The following FMNL2 variants were observed in gnomAD, a reference collection of about 807,000 sequenced individuals.
FMNL2 encodes formin like 2, also known as formin-like protein 2.
FMNL2 carries 51 observed loss-of-function variants against 130.2 expected under a neutral mutation model. The observed-to-expected ratio is 0.39, with a 90% CI of 0.31 to 0.49. FMNL2 has a LOEUF of 0.49. Ranked by LOEUF, FMNL2 falls within the 20% of genes least tolerant of loss-of-function variation. The pLI is 0.85. For synonymous variants in FMNL2, 465 were observed against 467.1 expected (o/e 1.00, Z 0.06); for missense variants, 977 against 1,316.2 (o/e 0.74, Z 3.99).
chr2:152,404,942 TACTGCATC>T lies in FMNL2; in HGVS notation c.117+69225_117+69232del, dbSNP rs542914140. On this transcript the variant is annotated intron_variant, in intron 1 of 25. Coordinates refer to ENST00000288670, the MANE Select transcript of FMNL2 (RefSeq NM_052905.4). ...GAGCCTCCCTACAACAGGCCCTGAG[TACTGCATC>T]ACCTTCCTCCAGTTTGAAAAACTGA... is the stretch of plus-strand genomic sequence containing the variant. 1.2e-3 allele frequency among the ~76,000 whole-genome samples: 186 copies of T among 152,284 alleles called. 1 individual carries two copies. Among genetic ancestry groups the T allele is most frequent in the African/African-American group, 4.3e-3 (179 of 41,566 alleles).
In FMNL2 at chr2:152,507,057, ACTCAGGGTAGAAACTTGAACCAC is replaced by A. The variant is rs1692213992; in HGVS notation, c.118-14879_118-14857del. On this transcript the variant is annotated intron_variant, in intron 1 of 25. Coordinates refer to ENST00000288670, the MANE Select transcript of FMNL2 (RefSeq NM_052905.4). ...TGTTATGGAAAGGAAATGTTGCGTG[ACTCAGGGTAGAAACTTGAACCAC>A]CTCAGGCTAGTGGCTTGTGCGGTCT... Among the ~76,000 whole-genome samples the A allele has an allele frequency of 2.6e-5, 4 of 152,192 alleles. No homozygotes were observed. The South Asian group carries it at 8.3e-4, about 31-fold the overall frequency.
intron 9 of FMNL2, among the ~76,000 whole-genome samples, chr2:152,590,002 T>TAC: frequency 1.4e-5 from 2 of 140,010 alleles, no homozygotes; most frequent in African/African-American, 5.4e-5. Context: ...TATATGTATA[T>TAC]ATATATACAT....
In FMNL2 at chr2:152,532,379, A is replaced by G. The variant is rs538764179; in HGVS notation, c.201+10353A>G. Among the ~76,000 whole-genome samples, 153 of 152,234 alleles carry G rather than the reference A, an allele frequency of 1.0e-3. 1 individual carries two copies. Among genetic ancestry groups the G allele is most frequent in the African/African-American group, 3.6e-3 (148 of 41,530 alleles). On this transcript the variant is annotated intron_variant, in intron 2 of 25. Coordinates refer to ENST00000288670, the MANE Select transcript of FMNL2 (RefSeq NM_052905.4). Reference sequence around the variant, plus strand: ...AGACCATTTTGCATTCCTACCAGCGATGTAATAGCGTCCCTGTTGCTCCAA... The same window carrying G: ...AGACCATTTTGCATTCCTACCAGCGGTGTAATAGCGTCCCTGTTGCTCCAA...
intron 1 of FMNL2, among the ~76,000 whole-genome samples, chr2:152,486,058 C>G (rs1471197626): frequency 6.6e-6 from 1 of 152,024 alleles, no homozygotes; most frequent in Non-Finnish European, 1.5e-5. Flanking sequence ...ATCTTGAGGC[C>G]TAAGATAAAT....
At chr2:152,402,679 A>G (rs1199108471) in intron 1 of FMNL2, among the ~76,000 whole-genome samples, 2 of 152,216 alleles carry the variant, frequency 1.3e-5, no homozygotes, top group Non-Finnish European at 2.9e-5. Context: ...TTTTTAAAAA[A>G]TAAACTTTTT....
chr2:152,495,910 A>T (rs1046529365), intron 1 of FMNL2, among the ~76,000 whole-genome samples: 7 of 152,040 alleles, frequency 4.6e-5, no homozygotes, highest in Non-Finnish European at 1.0e-4. Context: ...GGCAATAGTA[A>T]TTCCCCATGT....
Position 152,396,658 on chromosome 2 carries a change from G to A in FMNL2, c.117+60938G>A, listed in dbSNP as rs182188638. On this transcript the variant is annotated intron_variant, in intron 1 of 25. Transcript: ENST00000288670. ...TTTCTTTTTCTTATCCAGTTAACAAGTATGTTTTTATTTAAGTCAGGCTTT... is the reference window on the plus strand; with the variant it reads ...TTTCTTTTTCTTATCCAGTTAACAAATATGTTTTTATTTAAGTCAGGCTTT... 9.3e-4 allele frequency among the ~76,000 whole-genome samples: 141 copies of A among 152,228 alleles called. 3 individuals are homozygous for A. Among genetic ancestry groups the A allele is most frequent in the Admixed American group, 7.7e-3 (117 of 15,286 alleles).
chr2:152,438,069 C>T (rs1392793605), intron 1 of FMNL2, among the ~76,000 whole-genome samples: 1 of 152,154 alleles, frequency 6.6e-6, no homozygotes, highest in Non-Finnish European at 1.5e-5. Flanking sequence ...AAGGTCTTGT[C>T]TTATTCCAAA....
chr2:152,600,291 C>G (rs1297937681), intron 9 of FMNL2, among the ~76,000 whole-genome samples: 1 of 152,204 alleles, frequency 6.6e-6, no homozygotes, highest in East Asian at 1.9e-4. Context: ...AGTATTGAGG[C>G]AGGCGCCAGG....
At chr2:152,356,988 A>C (rs1444252578) in intron 1 of FMNL2, among the ~76,000 whole-genome samples, 13 of 149,020 alleles carry the variant, frequency 8.7e-5, no homozygotes, top group African/African-American at 2.9e-4. Flanking sequence ...TTTAATATAT[A>C]ACGATAAATA....
At chr2:152,601,192 G>GCCCCTGACTTGGAATTC (rs1212976926) in intron 9 of FMNL2, among the ~76,000 whole-genome samples, 1 of 151,998 alleles carries the variant, frequency 6.6e-6, no homozygotes, top group African/African-American at 2.4e-5. Flanking sequence ...TCTCGGCCAA[G>GCCCCTGACTTGGAATTC]CCCCTGACTT....
Position 152,648,805 on chromosome 2 carries a change from CTTA to C in FMNL2, c.*903_*905del, listed in dbSNP as rs10645049. 1 of 152,568 alleles carries C rather than the reference CTTA, an allele frequency of 6.6e-6. No individual in the cohort carries two copies. Among genetic ancestry groups the C allele is most frequent in the Admixed American group, 6.5e-5 (1 of 15,272 alleles). The allele number at this position is 152,568 out of a possible 1,614,324, so 9.5% of individuals were successfully genotyped here. On this transcript the variant is annotated 3_prime_UTR_variant, in exon 26 of 26. Transcript: ENST00000288670. Reference sequence around the variant, plus strand: ...TCTCCTCTGACAATCGCAATTTTTTCTTATTTTTTATAAATTCAAGAAGATACA... The same window carrying C: ...TCTCCTCTGACAATCGCAATTTTTTCTTTTTTATAAATTCAAGAAGATACA...
chr2:152,416,538 A>C (rs1346866671), intron 1 of FMNL2, among the ~76,000 whole-genome samples: 1 of 152,208 alleles, frequency 6.6e-6, no homozygotes, highest in Non-Finnish European at 1.5e-5. Context: ...TTTCTCTAAC[A>C]TTTGAAGTAA....
chr2:152,558,697 T>G, intron 4 of FMNL2, 43 bp from the exon 5 acceptor site: 1 of 1,543,200 alleles, frequency 6.5e-7, no homozygotes, highest in Non-Finnish European at 8.8e-7. Flanking sequence ...GCAGGTCATG[T>G]GATCAATTTC....
At chr2:152,496,486 A>G (rs778934119) in intron 1 of FMNL2, among the ~76,000 whole-genome samples, 3 of 152,160 alleles carry the variant, frequency 2.0e-5, no homozygotes, top group Non-Finnish European at 2.9e-5. Context: ...TCTCTTTGTA[A>G]TTAGTGTCTT....
At chr2:152,555,949 A>G (rs765574233) in intron 4 of FMNL2, among the ~76,000 whole-genome samples, 1 of 152,238 alleles carries the variant, frequency 6.6e-6, no homozygotes, top group Non-Finnish European at 1.5e-5. Flanking sequence ...AATCTGCAAA[A>G]TGAGGCATCC....
intron 1 of FMNL2, among the ~76,000 whole-genome samples, chr2:152,386,490 G>GT (rs1327217073): frequency 1.4e-5 from 2 of 142,794 alleles, no homozygotes. Context: ...AGTGCCTGTG[G>GT]TAAGTCCTTT....
In FMNL2 at chr2:152,359,204, G is replaced by A. The variant is rs370223452; in HGVS notation, c.117+23484G>A. Among the ~76,000 whole-genome samples, 79 of 152,258 alleles carry A rather than the reference G, an allele frequency of 5.2e-4. 1 individual carries two copies. In the South Asian group the frequency reaches 0.016, roughly 31 times the overall value. ...TATAGATTCGGATTGTTTGTGGAAA[G>A]CTTAATATAATAGCAGCTAATATTT... On this transcript the variant is annotated intron_variant, in intron 1 of 25. Transcript: ENST00000288670.
intron 2 of FMNL2, among the ~76,000 whole-genome samples, chr2:152,533,703 G>A (rs13409892): frequency 6.6e-6 from 1 of 151,140 alleles, no homozygotes; most frequent in African/African-American, 2.4e-5. Context: ...AATTTCAGTA[G>A]AATTGACATT....
Sources: allele counts gnomAD v4.1 joint callset (sites outside exome capture counted in the v4.1 genomes callset), GRCh38; gene constraint gnomAD v4.1.1; transcripts MANE v1.5; gene names NCBI Gene and HGNC (gene_info 2026-07-23, HGNC 2026-07-21).